Variants in MAST4 observed in about 807,000 individuals in gnomAD.
MAST4 encodes microtubule-associated serine/threonine-protein kinase 4.
MAST4 carries 89 observed loss-of-function variants against 162.7 expected under a neutral mutation model. The ratio of observed to expected loss-of-function variants is 0.55; its 90% confidence interval spans 0.46 to 0.65. The LOEUF (loss-of-function observed/expected upper bound fraction) is 0.65, where lower values mean the gene tolerates loss of function less well. Ranked by LOEUF, MAST4 falls within the 30% of genes least tolerant of loss-of-function variation. The pLI, the probability that MAST4 is intolerant of heterozygous loss-of-function variation, is 0.00. For missense variants in MAST4, 3,153 were observed against 3,374.0 expected, an observed-to-expected ratio of 0.93 and a Z score of 1.62; for synonymous variants, 1,479 against 1,361.1, an observed-to-expected ratio of 1.09 and a Z score of -1.91.
intron 4 of MAST4, among the ~76,000 whole-genome samples, chr5:66,996,545 G>A (rs1018130874): frequency 3.9e-5 from 6 of 152,086 alleles, no homozygotes; most frequent in South Asian, 2.1e-4. Flanking sequence ...TCAGAAGTCC[G>A]AAATCAATTT....
chr5:66,743,982 T>C (rs1470524052), intron 1 of MAST4, among the ~76,000 whole-genome samples: 62 of 152,160 alleles, frequency 4.1e-4, no homozygotes, highest in Non-Finnish European at 8.8e-5. Context: ...CATTGCATTT[T>C]CTGAACATCT....
At chr5:66,816,525 C>T (rs986129249) in intron 3 of MAST4, among the ~76,000 whole-genome samples, 24 of 152,306 alleles carry the variant, frequency 1.6e-4, no homozygotes, top group African/African-American at 5.5e-4. Context: ...AAATTATACT[C>T]TGCGAACCTG....
intron 4 of MAST4, among the ~76,000 whole-genome samples, chr5:66,989,717 T>G (rs950063057): frequency 6.6e-6 from 1 of 152,198 alleles, no homozygotes; most frequent in Admixed American, 6.5e-5. Context: ...AAATTTTTTT[T>G]CAATCCAAGA....
intron 1 of MAST4, among the ~76,000 whole-genome samples, chr5:66,603,941 C>A (rs1006418132): frequency 6.6e-6 from 1 of 152,204 alleles, no homozygotes; most frequent in Non-Finnish European, 1.5e-5. Context: ...TACCAAAATA[C>A]AAAATTAAGC....
At chr5:66,900,668 A>C (rs558089577) in intron 4 of MAST4, among the ~76,000 whole-genome samples, 1 of 152,216 alleles carries the variant, frequency 6.6e-6, no homozygotes, top group East Asian at 1.9e-4. Context: ...AAACATTTAC[A>C]TTTGATGTCT....
At chr5:66,778,696 T>C (rs778477533) in intron 2 of MAST4, among the ~76,000 whole-genome samples, 52 of 152,312 alleles carry the variant, frequency 3.4e-4, no homozygotes, top group African/African-American at 1.2e-3. Context: ...TGGCTATCTA[T>C]GATTGAGGGT....
At chr5:67,006,245 T>C (rs954651032) in intron 4 of MAST4, among the ~76,000 whole-genome samples, 2 of 152,236 alleles carry the variant, frequency 1.3e-5, no homozygotes, top group African/African-American at 4.8e-5. Context: ...TATTTGCTTT[T>C]TGATGCAGTT....
intron 1 of MAST4, chr5:66,662,679 T>G (rs1262417962): frequency 6.6e-6 from 1 of 152,124 alleles, no homozygotes; most frequent in East Asian, 1.9e-4. Flanking sequence ...TCCATCTGTT[T>G]AAAGATAATG....
intron 4 of MAST4, among the ~76,000 whole-genome samples, chr5:66,922,425 T>TTACATG (rs893427402): frequency 6.6e-6 from 1 of 152,176 alleles, no homozygotes; most frequent in Admixed American, 6.5e-5. Context: ...AACTTCCAGG[T>TTACATG]TAACTCATGT....
intron 1 of MAST4, among the ~76,000 whole-genome samples, chr5:66,715,140 G>A (rs548292249): frequency 1.3e-5 from 2 of 152,250 alleles, no homozygotes; most frequent in East Asian, 1.9e-4. Flanking sequence ...GGACTAATGG[G>A]TTGCCTGGCT....
chr5:66,630,592 CATATT>C (rs1744733776), intron 1 of MAST4, among the ~76,000 whole-genome samples: 3 of 152,156 alleles, frequency 2.0e-5, no homozygotes, highest in South Asian at 2.1e-4. Context: ...AAAGTATTCA[CATATT>C]ATATATATTA....
rs1422283027 is a variant in MAST4 at position 67,165,056 on chromosome 5, T to G, written c.5877T>G (p.Pro1959=). The change falls in exon 29 of 29, where the codon CCT becomes CCG. Residue 1959 remains proline, a synonymous_variant. Coordinates refer to ENST00000403625, the MANE Select transcript of MAST4 (RefSeq NM_001164664.2). The part of the protein sequence containing the change: ...DLARPRCPLP[P]EASPSREKPG... ...CCAGGCCACGCTGCCCGCTCCCACCTGAAGCTTCCCCCTCAAGGGAGAAGC... is the reference window on the plus strand; with the variant it reads ...CCAGGCCACGCTGCCCGCTCCCACCGGAAGCTTCCCCCTCAAGGGAGAAGC... 4 of 1,604,260 alleles carry G rather than the reference T, an allele frequency of 2.5e-6. No homozygotes were observed. In the African/African-American group the frequency reaches 4.0e-5, roughly 16 times the overall value.
intron 3 of MAST4, among the ~76,000 whole-genome samples, chr5:66,808,287 G>A (rs1188123397): frequency 2.0e-5 from 3 of 152,212 alleles, no homozygotes; most frequent in South Asian, 2.1e-4. Flanking sequence ...TGAAGGAGGT[G>A]AAGTGTTAAA....
chr5:66,660,893 A>G (rs1256489917), intron 1 of MAST4, among the ~76,000 whole-genome samples: 1 of 152,220 alleles, frequency 6.6e-6, no homozygotes, highest in Non-Finnish European at 1.5e-5. Flanking sequence ...ATTTCATTTA[A>G]TAAAAAATGT....
intron 3 of MAST4, among the ~76,000 whole-genome samples, chr5:66,892,502 T>C (rs1354500262): frequency 6.6e-6 from 1 of 152,234 alleles, no homozygotes; most frequent in African/African-American, 2.4e-5. Flanking sequence ...CATGTGCCCT[T>C]GCCTTTGCCC....
intron 4 of MAST4, among the ~76,000 whole-genome samples, chr5:67,032,010 G>T (rs1755396255): frequency 6.6e-6 from 1 of 152,150 alleles, no homozygotes; most frequent in Non-Finnish European, 1.5e-5. Context: ...CGTTGAAGGG[G>T]TGCTTATTTG....
intron 1 of MAST4, among the ~76,000 whole-genome samples, chr5:66,722,635 A>G (rs1751288022): frequency 6.6e-6 from 1 of 152,198 alleles, no homozygotes. Flanking sequence ...AACTCAATGA[A>G]TATTTGTCAA....
In MAST4 at chr5:66,709,519, G is replaced by A. The variant is rs150781541; in HGVS notation, c.364-50190G>A. On this transcript the variant is annotated intron_variant, in intron 1 of 28. Transcript: ENST00000403625. ...TTTTGTAGAGATGGAGTCTTGCTAT[G>A]TTGTCCAGGGTGGTCTTGAACTCTG... is the stretch of plus-strand genomic sequence containing the variant. Among the ~76,000 whole-genome samples, 719 of 137,162 alleles carry A rather than the reference G, an allele frequency of 5.2e-3. 4 individuals carry two copies. Among genetic ancestry groups the A allele is most frequent in the Middle Eastern group, 0.022 (6 of 274 alleles). 90.0% of individuals were successfully genotyped at this position (137,162 alleles called of 152,430 possible).
intron 1 of MAST4, among the ~76,000 whole-genome samples, chr5:66,685,432 T>C (rs933983585): frequency 2.0e-5 from 3 of 152,066 alleles, no homozygotes; most frequent in African/African-American, 4.8e-5. Context: ...AAGAAATTCA[T>C]AGGGATTAAC....
Sources: allele counts gnomAD v4.1 joint callset (sites outside exome capture counted in the v4.1 genomes callset), GRCh38; gene constraint gnomAD v4.1.1; transcripts MANE v1.5; gene names NCBI Gene and HGNC (gene_info 2026-07-23, HGNC 2026-07-21).